The following ADAM23 variants were observed in gnomAD, a reference collection of about 807,000 sequenced individuals.
The protein encoded by ADAM23 is ADAM metallopeptidase domain 23, also known as disintegrin and metalloproteinase domain-containing protein 23.
Under a neutral mutation model 120.1 loss-of-function variants are expected in ADAM23, and 33 were observed. The observed-to-expected ratio is 0.27, with a 90% CI of 0.21 to 0.37. ADAM23 has a LOEUF of 0.37. Among genes scored for constraint, ADAM23 ranks in the 10% least tolerant of loss-of-function variants. The pLI, the probability that ADAM23 is intolerant of heterozygous loss-of-function variation, is 1.00. For missense variants in ADAM23, 862 were observed against 1,058.2 expected (o/e 0.81, Z 2.57); for synonymous variants, 367 against 375.2 (o/e 0.98, Z 0.25).
chr2:206,570,890 C>T (rs1340090913), intron 16 of ADAM23, 79 bp downstream of exon 16: 3 of 1,248,846 alleles, frequency 2.4e-6, no homozygotes, highest in Non-Finnish European at 3.5e-6. Context: ...GAGAGGCCAG[C>T]ACATTGATTG....
Position 206,565,034 on chromosome 2 carries a change from G to A in ADAM23, c.1360G>A (p.Glu454Lys), listed in dbSNP as rs1209734454. 1 of 1,613,914 alleles carries A rather than the reference G, an allele frequency of 6.2e-7. No individual in the cohort carries two copies. The highest frequency in any genetic ancestry group is 8.5e-7 in the Non-Finnish European group (1 of 1,179,972). The change falls in exon 14 of 26, where the codon GAA becomes AAA. Residue 454 changes from glutamate (E) to lysine (K), a missense_variant. By Grantham distance (56) the Glu-to-Lys change is moderately conservative (BLOSUM62 1). Around this residue, in one of 4 missense-constraint regions of ADAM23, gnomAD observed 617 missense variants for 813.5 expected, o/e 0.76. Transcript: ENST00000264377. ...TATTGGACCAGAATGTGACTGCACAGAATCCTGGGGTGGCTGCATCATGGA... is the reference window on the plus strand; with the variant it reads ...TATTGGACCAGAATGTGACTGCACAAAATCCTGGGGTGGCTGCATCATGGA... The part of the protein sequence containing the change: ...SSRKPKCDCT[E>K]SWGGCIMEET...
intron 3 of ADAM23, among the ~76,000 whole-genome samples, chr2:206,527,935 A>G (rs975298351): frequency 2.6e-5 from 4 of 152,212 alleles, no homozygotes; most frequent in Non-Finnish European, 5.9e-5. Context: ...TTAAGATTCT[A>G]AAATGCCAGA....
intron 13 of ADAM23, among the ~76,000 whole-genome samples, chr2:206,563,773 A>G (rs1231555574): frequency 6.8e-6 from 1 of 147,686 alleles, no homozygotes; most frequent in African/African-American, 2.5e-5. Context: ...TCTGTCTCCC[A>G]GGCTGGAGTG....
intron 24 of ADAM23, chr2:206,605,848 G>A (rs1251938868): frequency 2.0e-5 from 14 of 692,024 alleles, no homozygotes. Context: ...TGGCCCTGGG[G>A]GTGATTTTTG....
chr2:206,597,907 G>A (rs141831614), intron 24 of ADAM23, among the ~76,000 whole-genome samples: 4 of 152,294 alleles, frequency 2.6e-5, no homozygotes, highest in South Asian at 2.1e-4. Context: ...TGATTCAGGC[G>A]CATGTGAATT....
chr2:206,549,173 GA>G (rs564095725), intron 8 of ADAM23, among the ~76,000 whole-genome samples: 4 of 150,846 alleles, frequency 2.7e-5, no homozygotes, highest in Non-Finnish European at 4.4e-5. Context: ...TTTTTTTTGT[GA>G]AAAAAATAGA....
chr2:206,467,139 C>A (rs1695557612), intron 2 of ADAM23, among the ~76,000 whole-genome samples: 1 of 152,164 alleles, frequency 6.6e-6, no homozygotes, highest in South Asian at 2.1e-4. Flanking sequence ...AGATCCAAAT[C>A]ATAAAATTCC....
At chr2:206,447,905 C>T (rs1216159309) in intron 2 of ADAM23, among the ~76,000 whole-genome samples, 1 of 152,176 alleles carries the variant, frequency 6.6e-6, no homozygotes, top group Admixed American at 6.5e-5. Flanking sequence ...AGGCCAAGCT[C>T]CACATTTATG....
intron 2 of ADAM23, among the ~76,000 whole-genome samples, chr2:206,455,020 G>A (rs1226289964): frequency 6.6e-6 from 1 of 152,194 alleles, no homozygotes; most frequent in Non-Finnish European, 1.5e-5. Flanking sequence ...AGCTCCAATA[G>A]GCAGTGCCCC....
intron 3 of ADAM23, among the ~76,000 whole-genome samples, chr2:206,522,836 G>T (rs1239721763): frequency 6.6e-6 from 1 of 151,402 alleles, no homozygotes; most frequent in Non-Finnish European, 1.5e-5. Flanking sequence ...GACATACGGG[G>T]GTAAAACTAG....
Position 206,589,479 on chromosome 2 carries a change from G to A in ADAM23, c.1923G>A (p.Gly641=). 2 of 1,613,850 alleles carry A rather than the reference G, an allele frequency of 1.2e-6. No individual in the cohort carries two copies. The highest frequency in any genetic ancestry group is 1.7e-6 in the Non-Finnish European group (2 of 1,179,884). The change falls in exon 21 of 26, where the codon GGG becomes GGA. Residue 641 remains glycine, a synonymous_variant. Transcript: ENST00000264377. ...NTEGTEKGNC[G]KDGDRWIQCS... ...AAGGCACTGAGAAGGGAAACTGCGG[G>A]AAGGATGGAGACCGGTGGATTCAGT...
intron 4 of ADAM23, among the ~76,000 whole-genome samples, chr2:206,531,397 A>G (rs550850126): frequency 5.3e-5 from 8 of 152,282 alleles, no homozygotes; most frequent in East Asian, 3.9e-4. Context: ...TAACAATTCT[A>G]TGAGGTGGAT....
chr2:206,448,871 G>C (rs1199033643), intron 2 of ADAM23, among the ~76,000 whole-genome samples: 3 of 152,188 alleles, frequency 2.0e-5, no homozygotes, highest in African/African-American at 7.2e-5. Flanking sequence ...AATGGTAAGT[G>C]TAAGTAAAGT....
chr2:206,579,119 A>G (rs10932153), intron 18 of ADAM23, among the ~76,000 whole-genome samples: 79,946 of 151,804 alleles, frequency 0.53, 21,134 homozygotes, highest in Middle Eastern at 0.59. Context: ...TTCATTGTAG[A>G]TTCTGGATAT....
rs1698004428 is a variant in ADAM23, at chr2:206,571,723, C to G, written c.1567-4C>G. The G allele has an allele frequency of 5.0e-6, 8 of 1,613,256 alleles. No homozygotes were observed. The highest frequency in any genetic ancestry group is 6.8e-6 in the Non-Finnish European group (8 of 1,179,356). ...CGCTTACTCACGTGAAGTGTTTTCT[C>G]TAGGAATGCTATGGATTATGCTGTA... On this transcript the variant is annotated splice_region_variant and splice_polypyrimidine_tract_variant and intron_variant, in intron 16 of 25. Transcript: ENST00000264377.
intron 3 of ADAM23, among the ~76,000 whole-genome samples, chr2:206,508,315 T>C (rs1385542269): frequency 1.3e-5 from 2 of 152,286 alleles, no homozygotes; most frequent in African/African-American, 2.4e-5. Context: ...CGTGAGCCAC[T>C]GTGTCCGGCC....
intron 3 of ADAM23, among the ~76,000 whole-genome samples, chr2:206,500,682 G>A (rs1696369295): frequency 6.6e-6 from 1 of 152,128 alleles, no homozygotes; most frequent in Non-Finnish European, 1.5e-5. Flanking sequence ...AGGAACCTGA[G>A]AGTGTGTATC....
At chr2:206,571,194 G>C (rs201407513) in intron 16 of ADAM23, among the ~76,000 whole-genome samples, 1 of 152,166 alleles carries the variant, frequency 6.6e-6, no homozygotes, top group African/African-American at 2.4e-5. Context: ...AAGCTTTCTC[G>C]GCCGGGCGCG....
rs1277380836 is a variant in ADAM23, at chr2:206,443,777, G to A, written c.-90G>A. 90 of 726,846 alleles carry A rather than the reference G, an allele frequency of 1.2e-4. 1 individual carries two copies. The highest frequency in any genetic ancestry group is 1.5e-4 in the Non-Finnish European group (88 of 592,794). The allele number at this position is 726,846 out of a possible 1,614,324, so 45.0% of individuals were successfully genotyped here. A position where few individuals can be genotyped will look rare whatever the true frequency, so the allele number is the denominator to read the frequency against. ...CCCGCCGCGGCACCATGCGCGCCGA[G>A]CCGGCGTGACCGGCTCCGCCCGCGG... On this transcript the variant is annotated 5_prime_UTR_variant, in exon 1 of 26. Transcript: ENST00000264377.
Sources: gnomAD v4.1 joint callset for allele counts (sites outside exome capture counted in the v4.1 genomes callset) on GRCh38, gnomAD v4.1.1 for gene constraint, gnomAD v4.1.1 regional missense constraint, MANE v1.5 for transcripts, NCBI Gene and HGNC (gene_info 2026-07-23, HGNC 2026-07-21) for gene names.